Variants in VTA1 observed in about 807,000 individuals in gnomAD.
VTA1 encodes the protein vesicle trafficking 1.
VTA1 carries 24 observed loss-of-function variants against 36.9 expected under a neutral mutation model. The observed-to-expected ratio is 0.65, with a 90% CI of 0.47 to 0.91. The LOEUF (loss-of-function observed/expected upper bound fraction) is 0.91. Among genes scored for constraint, VTA1 ranks in the 40% least tolerant of loss-of-function variants. The probability of loss-of-function intolerance (pLI) is 0.00; values close to 1 mark genes in which losing one functional copy is unlikely to be tolerated. For missense variants in VTA1, 393 were observed against 377.2 expected, an observed-to-expected ratio of 1.04 and a Z score of -0.35; for synonymous variants, 142 against 130.2, an observed-to-expected ratio of 1.09 and a Z score of -0.62.
intron 2 of VTA1, among the ~76,000 whole-genome samples, chr6:142,169,141 G>A (rs1441773344): frequency 2.0e-5 from 3 of 151,892 alleles, no homozygotes; most frequent in Non-Finnish European, 2.9e-5. Flanking sequence ...ATTGAAATGG[G>A]AATAAATTAA....
chr6:142,212,163 G>A (rs1022718265), intron 7 of VTA1, among the ~76,000 whole-genome samples: 1 of 152,142 alleles, frequency 6.6e-6, no homozygotes, highest in South Asian at 2.1e-4. Flanking sequence ...TGTGTCCTTG[G>A]TATTTACCTG....
chr6:142,188,148 A>T (rs575933977), intron 4 of VTA1, among the ~76,000 whole-genome samples: 1 of 149,156 alleles, frequency 6.7e-6, no homozygotes, highest in South Asian at 2.1e-4. Flanking sequence ...AGCTCTGGCA[A>T]TCCACCCTCC....
chr6:142,153,373 A>G (rs1447696046), intron 1 of VTA1, among the ~76,000 whole-genome samples: 3 of 151,942 alleles, frequency 2.0e-5, no homozygotes, highest in Admixed American at 1.3e-4. Context: ...CCACAAATCA[A>G]TGACAAAATA....
chr6:142,188,225 C>CTTTTTTTTTTTT (rs200348683), intron 4 of VTA1, among the ~76,000 whole-genome samples: 3 of 78,926 alleles, frequency 3.8e-5, no homozygotes, highest in Non-Finnish European at 5.2e-5. Flanking sequence ...TTCTTTATTT[C>CTTTTTTTTTTTT]TTTTTTTTTT....
intron 3 of VTA1, among the ~76,000 whole-genome samples, chr6:142,170,047 A>G (rs1368621621): frequency 6.6e-6 from 1 of 152,220 alleles, no homozygotes; most frequent in African/African-American, 2.4e-5. Context: ...TTACATTTAA[A>G]GAAATACATT....
chr6:142,180,787 C>T (rs1029205516), intron 4 of VTA1, among the ~76,000 whole-genome samples: 2 of 152,030 alleles, frequency 1.3e-5, no homozygotes, highest in African/African-American at 4.8e-5. Flanking sequence ...ATAACCCGAA[C>T]GTAATCATGA....
chr6:142,218,616 C>G lies in VTA1; in HGVS notation c.897C>G (p.Leu299=), dbSNP rs373143152. 1.9e-6 allele frequency: 3 copies of G among 1,610,886 alleles called. No homozygotes were observed. In the African/African-American group the frequency reaches 4.0e-5, roughly 22 times the overall value. ...STAVQNLQKA[L]KLLTTGRE is the part of the protein sequence containing the mutation. ...CTGTCCAGAATCTACAAAAGGCTCT[C>G]AAGTTACTGACGACAGGCAGAGAAT... Residue 299 remains leucine (L), a synonymous_variant, in exon 8 of 8, where the codon CTC becomes CTG. Coordinates refer to ENST00000367630, the MANE Select transcript of VTA1 (RefSeq NM_016485.5).
chr6:142,169,006 T>C (rs1774977884), intron 2 of VTA1, among the ~76,000 whole-genome samples: 1 of 151,926 alleles, frequency 6.6e-6, no homozygotes, highest in South Asian at 2.1e-4. Context: ...CCTGACCTCG[T>C]GATCCACCCG....
chr6:142,156,474 T>C (rs1778664613), intron 1 of VTA1, among the ~76,000 whole-genome samples: 1 of 152,120 alleles, frequency 6.6e-6, no homozygotes, highest in African/African-American at 2.4e-5. Flanking sequence ...AGCCGGAAAA[T>C]ATTTGAATCT....
intron 6 of VTA1, among the ~76,000 whole-genome samples, chr6:142,200,950 C>A (rs1427814618): frequency 1.3e-5 from 2 of 151,940 alleles, no homozygotes; most frequent in African/African-American, 2.4e-5. Flanking sequence ...CTTTAACTTA[C>A]AAACTCTCAA....
At chr6:142,148,859 C>T (rs1778511333) in intron 1 of VTA1, among the ~76,000 whole-genome samples, 1 of 151,998 alleles carries the variant, frequency 6.6e-6, no homozygotes, top group Non-Finnish European at 1.5e-5. Flanking sequence ...TTATAAAAGT[C>T]CCGAAGTAGA....
In VTA1 at chr6:142,221,109, T is replaced by C. The variant is rs899975704; in HGVS notation, c.*2466T>C. ...TTTAGCTCTACCCAAATCAGAAATATTGCAAGTCTGAGAAAAGAGATTCTC... is the reference window on the plus strand; with the variant it reads ...TTTAGCTCTACCCAAATCAGAAATACTGCAAGTCTGAGAAAAGAGATTCTC... On this transcript the variant is annotated 3_prime_UTR_variant, in exon 8 of 8. Transcript: ENST00000367630. 6 of 152,146 alleles carry C rather than the reference T, an allele frequency of 3.9e-5. No individual in the cohort carries two copies. The highest frequency in any genetic ancestry group is 9.7e-5 in the African/African-American group (4 of 41,418). 9.4% of individuals were successfully genotyped at this position (152,146 alleles called of 1,614,324 possible). A position where few individuals can be genotyped will look rare whatever the true frequency, so the allele number is the denominator to read the frequency against.
intron 6 of VTA1, among the ~76,000 whole-genome samples, chr6:142,200,987 C>T (rs551258491): frequency 2.0e-5 from 3 of 151,974 alleles, no homozygotes; most frequent in African/African-American, 7.2e-5. Context: ...TCTAAGAAAA[C>T]AAACATACCC....
At chr6:142,186,896 G>A (rs1775351314) in intron 4 of VTA1, among the ~76,000 whole-genome samples, 2 of 152,044 alleles carry the variant, frequency 1.3e-5, no homozygotes, top group African/African-American at 4.8e-5. Flanking sequence ...GCTTAAGACA[G>A]CCCCACTGTG....
intron 7 of VTA1, among the ~76,000 whole-genome samples, chr6:142,207,871 G>A (rs1775824634): frequency 6.6e-6 from 1 of 152,014 alleles, no homozygotes; most frequent in Non-Finnish European, 1.5e-5. Context: ...ATTACCTGAG[G>A]TCAGGAGTTC....
intron 7 of VTA1, among the ~76,000 whole-genome samples, chr6:142,206,751 TAGATC>T (rs901502209): frequency 6.6e-6 from 1 of 151,960 alleles, no homozygotes; most frequent in African/African-American, 2.4e-5. Context: ...AACAGACAAA[TAGATC>T]AGTGAGACAG....
At chr6:142,195,494 T>G (rs190973138) in intron 5 of VTA1, among the ~76,000 whole-genome samples, 1 of 151,908 alleles carries the variant, frequency 6.6e-6, no homozygotes, top group South Asian at 2.1e-4. Flanking sequence ...AGAGATGTTT[T>G]AATTTTTTTT....
intron 4 of VTA1, among the ~76,000 whole-genome samples, chr6:142,176,800 A>G (rs1219145110): frequency 1.3e-5 from 2 of 152,174 alleles, no homozygotes; most frequent in African/African-American, 4.8e-5. Flanking sequence ...AGTTTTGCAG[A>G]CCAGCAGTGT....
chr6:142,213,871 G>A (rs373553115), intron 7 of VTA1, among the ~76,000 whole-genome samples: 15 of 152,250 alleles, frequency 9.9e-5, no homozygotes, highest in African/African-American at 3.4e-4. Context: ...GTGATGGCGG[G>A]GTCTGCTGTG....
Sources: allele counts gnomAD v4.1 joint callset (sites outside exome capture counted in the v4.1 genomes callset), GRCh38; gene constraint gnomAD v4.1.1; transcripts MANE v1.5; gene names NCBI Gene and HGNC (gene_info 2026-07-23, HGNC 2026-07-21).